FLACC1: variants seen among roughly 807,000 people sequenced by gnomAD.
The protein encoded by FLACC1 is flagellum-associated coiled-coil domain-containing protein 1.
In FLACC1, 66 loss-of-function variants were observed where a neutral mutation model predicts 62.8. The observed-to-expected ratio is 1.05, with a 90% CI of 0.86 to 1.29. The LOEUF is 1.29. FLACC1 is among the 50% of genes most tolerant of loss of function. The pLI, the probability that FLACC1 is intolerant of heterozygous loss-of-function variation, is 0.00. For missense variants in FLACC1, 452 were observed against 489.1 expected, an observed-to-expected ratio of 0.92 and a Z score of 0.71; for synonymous variants, 156 against 161.0, an observed-to-expected ratio of 0.97 and a Z score of 0.24.
At chr2:201,328,776 AT>A (rs1378824931) in intron 9 of FLACC1, among the ~76,000 whole-genome samples, 1 of 152,242 alleles carries the variant, frequency 6.6e-6, no homozygotes, top group African/African-American at 2.4e-5. Flanking sequence ...GGATTTCTGA[AT>A]AAAGATTTGA....
intron 10 of FLACC1, 71 bp downstream of exon 10, chr2:201,309,080 A>C: frequency 1.5e-6 from 2 of 1,360,220 alleles, no homozygotes; most frequent in Non-Finnish European, 2.1e-6. Flanking sequence ...ACCTTCCTCA[A>C]GTCAAGACCA....
chr2:201,350,884 G>T, intron 2 of FLACC1, 102 bp from the exon 3 acceptor site: 1 of 943,676 alleles, frequency 1.1e-6, no homozygotes, highest in Non-Finnish European at 1.6e-6. Context: ...CCCAAAATTG[G>T]AATGCATGAT....
At chr2:201,329,636 C>T (rs969736213) in intron 9 of FLACC1, among the ~76,000 whole-genome samples, 2 of 152,110 alleles carry the variant, frequency 1.3e-5, no homozygotes, top group African/African-American at 4.8e-5. Flanking sequence ...TCATGTCCTT[C>T]ATAGAAACAT....
intron 9 of FLACC1, among the ~76,000 whole-genome samples, chr2:201,313,075 C>T (rs1950246517): frequency 6.6e-6 from 1 of 152,162 alleles, no homozygotes; most frequent in Non-Finnish European, 1.5e-5. Flanking sequence ...TCTCTGGGTT[C>T]CCAGGGATGC....
intron 12 of FLACC1, among the ~76,000 whole-genome samples, chr2:201,292,069 CAGGG>C (rs59396200): frequency 0.12 from 18,650 of 152,068 alleles, 1,424 homozygotes; most frequent in African/African-American, 0.22. Context: ...CTGAAAGTGA[CAGGG>C]AGAATGGAAC....
chr2:201,333,659 G>T (rs1344438127), intron 7 of FLACC1, among the ~76,000 whole-genome samples: 5 of 150,182 alleles, frequency 3.3e-5, no homozygotes, highest in African/African-American at 9.8e-5. Flanking sequence ...GCAGTGTTTG[G>T]TTTTTTGTCC....
intron 12 of FLACC1, among the ~76,000 whole-genome samples, chr2:201,295,599 G>C (rs1949841928): frequency 6.6e-6 from 1 of 152,160 alleles, no homozygotes; most frequent in South Asian, 2.1e-4. Context: ...ACATAGGCAT[G>C]GGCAAGGACT....
chr2:201,330,569 C>G (rs781095375), intron 8 of FLACC1, 47 bp from the exon 9 acceptor site: 2 of 1,594,248 alleles, frequency 1.3e-6, no homozygotes, highest in Non-Finnish European at 1.7e-6. Flanking sequence ...TTCTGATATG[C>G]ACATTTTCAA....
chr2:201,317,776 A>G (rs1950332813), intron 9 of FLACC1, among the ~76,000 whole-genome samples: 1 of 152,222 alleles, frequency 6.6e-6, no homozygotes, highest in East Asian at 1.9e-4. Flanking sequence ...AAGCAAAACA[A>G]GCAAACAAAA....
chr2:201,346,645 G>A lies in FLACC1; in HGVS notation c.265C>T (p.Leu89Phe). Reference protein sequence around the residue: ...EVINVSPGYQLVRNREQISVT... With the variant: ...EVINVSPGYQFVRNREQISVT... ...GAAATCTGTTCCCGATTCCGAACAA[G>A]TTGATAGCCAGGTGACACGTTGATC... The change falls in exon 5 of 15, where the codon CTT becomes TTT. Residue 89 changes from leucine to phenylalanine, a missense_variant. By Grantham distance (22) the Leu-to-Phe change is conservative (BLOSUM62 0). This residue lies in a region of FLACC1 where 147 missense variants were observed against 152.7 expected (regional missense o/e 0.96). Coordinates refer to ENST00000392257, the MANE Select transcript of FLACC1 (RefSeq NM_001127391.3). This position sits in a 1 kb window ranked among gnomAD's most constrained non-coding sequence, Gnocchi z 4.0. 1 of 1,614,264 alleles carries A rather than the reference G, an allele frequency of 6.2e-7. No individual in the cohort carries two copies. The highest frequency in any genetic ancestry group is 2.2e-5 in the East Asian group (1 of 44,892).
chr2:201,289,913 C>T (rs1576402721), intron 12 of FLACC1, 128 bp from the exon 13 acceptor site: 2 of 1,534,498 alleles, frequency 1.3e-6, no homozygotes, highest in East Asian at 4.5e-5. Context: ...TGGCCACTCA[C>T]ACCCTGTCAG....
intron 9 of FLACC1, among the ~76,000 whole-genome samples, chr2:201,329,428 C>A (rs947436159): frequency 6.6e-6 from 1 of 152,194 alleles, no homozygotes; most frequent in Admixed American, 6.5e-5. Flanking sequence ...TTTGACTCAG[C>A]AATCCCATTA....
At chr2:201,356,141 A>G (rs534229074) in intron 1 of FLACC1, among the ~76,000 whole-genome samples, 45 of 152,190 alleles carry the variant, frequency 3.0e-4, no homozygotes, top group African/African-American at 1.0e-3. Flanking sequence ...TCTACCAATC[A>G]ATATGACAGT....
intron 9 of FLACC1, among the ~76,000 whole-genome samples, chr2:201,312,992 C>G (rs1950244656): frequency 6.6e-6 from 1 of 152,198 alleles, no homozygotes; most frequent in Non-Finnish European, 1.5e-5. Flanking sequence ...CTGACCTTAC[C>G]TGGAGCTGAG....
At chr2:201,295,904 A>T (rs1390689946) in intron 12 of FLACC1, among the ~76,000 whole-genome samples, 1 of 152,272 alleles carries the variant, frequency 6.6e-6, no homozygotes, top group Non-Finnish European at 1.5e-5. Flanking sequence ...CAAAAGACAC[A>T]TGAAAAAATG....
chr2:201,328,881 T>A lies in FLACC1; in HGVS notation c.675+1589A>T, dbSNP rs549809768. ...ATCTACAGTTTTTCAACATTCTAAA[T>A]GGAATTTCTTCTTTTTCACTTCTTT... On this transcript the variant is annotated intron_variant, in intron 9 of 14. Coordinates refer to ENST00000392257, the MANE Select transcript of FLACC1 (RefSeq NM_001127391.3). Among the ~76,000 whole-genome samples the A allele has an allele frequency of 2.0e-5, 3 of 152,360 alleles. No individual in the cohort carries two copies. In the South Asian group the frequency reaches 6.2e-4, roughly 32 times the overall value.
At chr2:201,336,507 C>T (rs566032945) in intron 7 of FLACC1, among the ~76,000 whole-genome samples, 2 of 152,228 alleles carry the variant, frequency 1.3e-5, no homozygotes, top group South Asian at 4.1e-4. Context: ...GATTTACATT[C>T]CTTTGAGTAC....
intron 7 of FLACC1, among the ~76,000 whole-genome samples, chr2:201,339,747 T>C (rs1265733377): frequency 6.6e-6 from 1 of 152,228 alleles, no homozygotes; most frequent in African/African-American, 2.4e-5. Context: ...CTAGTTTTAT[T>C]CTAATCTTAT....
chr2:201,299,900 C>A (rs1252296578), intron 11 of FLACC1, among the ~76,000 whole-genome samples: 1 of 152,146 alleles, frequency 6.6e-6, no homozygotes. Flanking sequence ...TGAAGAACTA[C>A]CTGAGAGACT....
Sources: gnomAD v4.1 joint callset for allele counts (sites outside exome capture counted in the v4.1 genomes callset) on GRCh38, gnomAD v4.1.1 for gene constraint, gnomAD v4.1.1 regional missense constraint, Gnocchi (gnomAD v3.1) non-coding constraint, MANE v1.5 for transcripts, NCBI Gene and HGNC (gene_info 2026-07-23, HGNC 2026-07-21) for gene names.